The following CYP39A1 variants were observed in gnomAD, a reference collection of about 807,000 sequenced individuals.
CYP39A1 encodes 24-hydroxycholesterol 7-alpha-hydroxylase.
A neutral mutation model predicts 58.1 loss-of-function variants in CYP39A1; 49 were observed. That is an observed-to-expected ratio of 0.84 (90% CI 0.67 to 1.07). CYP39A1 has a LOEUF of 1.07. Among genes scored for constraint, CYP39A1 ranks in the 50% least tolerant of loss-of-function variants. The pLI is 0.00. For missense variants in CYP39A1, 531 were observed against 539.4 expected (o/e 0.98, Z 0.16); for synonymous variants, 209 against 187.6 (o/e 1.11, Z -0.93).
chr6:46,651,206 T>C (rs1266556043), intron 1 of CYP39A1, among the ~76,000 whole-genome samples: 1 of 152,196 alleles, frequency 6.6e-6, no homozygotes, highest in Admixed American at 6.5e-5. Flanking sequence ...AATTGCAAAA[T>C]GTACAACCAC....
At chr6:46,591,286 T>G (rs550353445) in intron 8 of CYP39A1, among the ~76,000 whole-genome samples, 151 of 152,234 alleles carry the variant, frequency 9.9e-4, no homozygotes, top group African/African-American at 3.5e-3. Context: ...TATGTGACAC[T>G]CATTCTTATT....
chr6:46,637,980 T>G lies in CYP39A1; in HGVS notation c.489-2A>C, dbSNP rs867125906. 1 of 1,592,776 alleles carries G rather than the reference T, an allele frequency of 6.3e-7. No individual in the cohort carries two copies. The highest frequency in any genetic ancestry group is 8.5e-7 in the Non-Finnish European group (1 of 1,174,636). ...ACTGTGACTGGATAAAGGAGATGTC[T>G]ACAAAGACAGAAACACACAAAAAGT... is the stretch of plus-strand genomic sequence containing the variant. On this transcript the variant is annotated splice_acceptor_variant, in intron 3 of 11. Coordinates refer to ENST00000275016, the MANE Select transcript of CYP39A1 (RefSeq NM_016593.5). LOFTEE classifies it high-confidence loss of function.
At chr6:46,569,253 A>G (rs1771456493) in intron 10 of CYP39A1, among the ~76,000 whole-genome samples, 1 of 152,052 alleles carries the variant, frequency 6.6e-6, no homozygotes, top group South Asian at 2.1e-4. Context: ...TTGTTGAGTT[A>G]TTTATTAGTT....
At chr6:46,652,238 T>A (rs1160950222) in intron 1 of CYP39A1, among the ~76,000 whole-genome samples, 168 bp downstream of exon 1, 3 of 152,220 alleles carry the variant, frequency 2.0e-5, no homozygotes, top group Non-Finnish European at 4.4e-5. Flanking sequence ...TTGCACAGGA[T>A]ATTGTTGTTA....
chr6:46,602,180 A>G (rs1051388826), intron 7 of CYP39A1, among the ~76,000 whole-genome samples: 1 of 152,170 alleles, frequency 6.6e-6, no homozygotes, highest in African/African-American at 2.4e-5. Flanking sequence ...GGATGAATGC[A>G]TGTCTAAAAT....
chr6:46,634,591 G>A (rs1159609454), intron 5 of CYP39A1, among the ~76,000 whole-genome samples: 10 of 141,542 alleles, frequency 7.1e-5, no homozygotes, highest in South Asian at 4.5e-4. Flanking sequence ...GCGCAATCTC[G>A]GCGCACCATA....
At chr6:46,570,930 T>G (rs1771556418) in intron 10 of CYP39A1, among the ~76,000 whole-genome samples, 1 of 152,174 alleles carries the variant, frequency 6.6e-6, no homozygotes, top group Non-Finnish European at 1.5e-5. Flanking sequence ...TCAGATATGT[T>G]TCCATTTTTA....
chr6:46,573,683 T>A (rs975712324), intron 10 of CYP39A1, among the ~76,000 whole-genome samples: 8 of 152,186 alleles, frequency 5.3e-5, no homozygotes, highest in Admixed American at 3.3e-4. Flanking sequence ...CAGAGCAACA[T>A]CAGAGCCAGA....
chr6:46,637,976 T>C lies in CYP39A1; in HGVS notation c.491A>G (p.His164Arg). 1 of 1,601,030 alleles carries C rather than the reference T, an allele frequency of 6.2e-7. No individual in the cohort carries two copies. Among genetic ancestry groups the C allele is most frequent in the South Asian group, 1.1e-5 (1 of 87,808 alleles). Residue 164 changes from histidine to arginine, a missense_variant and splice_region_variant, in exon 4 of 12, where the codon CAT becomes CGT. Transcript: ENST00000275016. ...GTMDLNNLVRHLLYPVTVNML... is the reference protein window; with the variant it reads ...GTMDLNNLVRRLLYPVTVNML... ...ATTCACTGTGACTGGATAAAGGAGA[T>C]GTCTACAAAGACAGAAACACACAAA...
chr6:46,625,393 C>A, intron 7 of CYP39A1, 25 bp downstream of exon 7: 1 of 1,520,030 alleles, frequency 6.6e-7, no homozygotes, highest in Non-Finnish European at 9.0e-7. Flanking sequence ...TTAGCTGTGT[C>A]TTCCTATATA....
At chr6:46,624,878 C>T (rs1775208525) in intron 7 of CYP39A1, among the ~76,000 whole-genome samples, 1 of 152,020 alleles carries the variant, frequency 6.6e-6, no homozygotes. Flanking sequence ...GGCAACAATC[C>T]CTATTTGCAG....
intron 10 of CYP39A1, among the ~76,000 whole-genome samples, chr6:46,566,584 A>G (rs1372290668): frequency 6.6e-6 from 1 of 152,052 alleles, no homozygotes; most frequent in Non-Finnish European, 1.5e-5. Context: ...CCCTTGACAC[A>G]TGGGGATTAT....
chr6:46,585,434 T>C (rs1247266655), intron 10 of CYP39A1, among the ~76,000 whole-genome samples: 1 of 152,146 alleles, frequency 6.6e-6, no homozygotes, highest in African/African-American at 2.4e-5. Context: ...TTAGAAGAAC[T>C]ATTCTTAGGA....
At chr6:46,632,349 G>A (rs1362302524) in intron 5 of CYP39A1, among the ~76,000 whole-genome samples, 1 of 152,134 alleles carries the variant, frequency 6.6e-6, no homozygotes, top group African/African-American at 2.4e-5. Context: ...TGTAGGCTGT[G>A]ATGGTCTTTG....
intron 10 of CYP39A1, among the ~76,000 whole-genome samples, chr6:46,585,633 G>A (rs1175270610): frequency 6.6e-6 from 1 of 152,044 alleles, no homozygotes; most frequent in East Asian, 1.9e-4. Context: ...GAGTTTTATG[G>A]TGGGTATGTC....
intron 10 of CYP39A1, among the ~76,000 whole-genome samples, chr6:46,569,192 T>C (rs530039985): frequency 6.6e-6 from 1 of 152,220 alleles, no homozygotes; most frequent in Admixed American, 6.6e-5. Flanking sequence ...GTTCAGTTAG[T>C]ATATAAAAAT....
intron 5 of CYP39A1, among the ~76,000 whole-genome samples, 180 bp from the exon 6 acceptor site, chr6:46,631,250 A>C (rs1195466284): frequency 6.6e-6 from 1 of 151,672 alleles, no homozygotes; most frequent in African/African-American, 2.4e-5. Context: ...AATTAGGAGT[A>C]GGGATTCTGG....
At chr6:46,604,518 T>A (rs1425649123) in intron 7 of CYP39A1, among the ~76,000 whole-genome samples, 1 of 152,228 alleles carries the variant, frequency 6.6e-6, no homozygotes. Context: ...ATTTGTCCAC[T>A]AGTCCTTGCT....
At chr6:46,557,578 G>A (rs1409598999) in intron 10 of CYP39A1, among the ~76,000 whole-genome samples, 7 of 151,082 alleles carry the variant, frequency 4.6e-5, no homozygotes, top group Admixed American at 4.0e-4. Context: ...GGGAGGAGGA[G>A]GTTGCACGGA....
Sources: allele counts gnomAD v4.1 joint callset (sites outside exome capture counted in the v4.1 genomes callset), GRCh38; gene constraint gnomAD v4.1.1; transcripts MANE v1.5; gene names NCBI Gene and HGNC (gene_info 2026-07-23, HGNC 2026-07-21).